CASP9: variants seen among roughly 807,000 people sequenced by gnomAD.
CASP9 encodes the protein caspase-9.
A neutral mutation model predicts 43.5 loss-of-function variants in CASP9; 29 were observed. The ratio of observed to expected loss-of-function variants is 0.67; its 90% confidence interval spans 0.50 to 0.91. The LOEUF (loss-of-function observed/expected upper bound fraction) is 0.91, where lower values mean the gene tolerates loss of function less well. Among genes scored for constraint, CASP9 ranks in the 40% least tolerant of loss-of-function variants. The pLI is 0.00. For missense variants in CASP9, 575 were observed against 537.4 expected (o/e 1.07, Z -0.69); for synonymous variants, 206 against 211.9 (o/e 0.97, Z 0.24).
chr1:15,509,338 C>T (rs549788249), intron 2 of CASP9, among the ~76,000 whole-genome samples: 3 of 151,640 alleles, frequency 2.0e-5, no homozygotes, highest in South Asian at 2.1e-4. Flanking sequence ...AAATGTGCTG[C>T]GTAAGGCCAG....
chr1:15,506,486 G>C (rs542585201), intron 4 of CASP9, among the ~76,000 whole-genome samples: 4 of 150,896 alleles, frequency 2.7e-5, no homozygotes, highest in African/African-American at 9.8e-5. Flanking sequence ...AAACAACAAA[G>C]GGCCCAACCC....
chr1:15,505,967 G>A, intron 5 of CASP9, 23 bp downstream of exon 5: 1 of 1,592,486 alleles, frequency 6.3e-7, no homozygotes, highest in Non-Finnish European at 8.6e-7. Context: ...TGCCTGCCCA[G>A]GGAACAGTGG....
chr1:15,507,170 G>A (rs753184973), intron 3 of CASP9, 95 bp from the exon 4 acceptor site: 20 of 1,447,280 alleles, frequency 1.4e-5, no homozygotes, highest in Middle Eastern at 1.8e-4. Context: ...CTGCCCTCTC[G>A]CACAAGGAGT....
rs766965270 is a variant in CASP9 at position 15,507,091 on chromosome 1, C to T, written c.454-16G>A. On this transcript the variant is annotated splice_polypyrimidine_tract_variant and intron_variant, in intron 3 of 8. Transcript: ENST00000333868. ...GGATGTAAGCCTGCCAGCACAGGGA[C>T]CCACGTAAACCCGGGCTCTCCCCAC... 6 of 1,612,642 alleles carry T rather than the reference C, an allele frequency of 3.7e-6. No homozygotes were observed. The African/African-American group carries it at 6.7e-5, about 18-fold the overall frequency.
At chr1:15,510,526 T>C (rs1709715057) in intron 2 of CASP9, among the ~76,000 whole-genome samples, 1 of 152,158 alleles carries the variant, frequency 6.6e-6, no homozygotes, top group Non-Finnish European at 1.5e-5. Context: ...TATCCACTAC[T>C]GAGGAATTCA....
intron 3 of CASP9, 182 bp from the exon 4 acceptor site, chr1:15,507,257 C>T (rs949179266): frequency 3.2e-6 from 2 of 615,822 alleles, no homozygotes; most frequent in Non-Finnish European, 5.6e-6. Context: ...GGTGACCCCC[C>T]CATCTTGGTA....
chr1:15,492,946 T>C lies in CASP9; in HGVS notation c.1248A>G (p.Ser416=), dbSNP rs371690417. ...FLRKKLFFKT[S] is the part of the protein sequence containing the mutation. ...GGCAGGGTGAGGGGCCCTGGCCTTA[T>C]GATGTTTTAAAGAAAAGTTTTTTCC... Residue 416 remains serine, a synonymous_variant, in exon 9 of 9, where the codon TCA becomes TCG. Transcript: ENST00000333868. 3 of 1,613,698 alleles carry C rather than the reference T, an allele frequency of 1.9e-6. No homozygotes were observed. The highest frequency in any genetic ancestry group is 2.7e-5 in the African/African-American group (2 of 74,926).
chr1:15,518,363 G>C lies in CASP9; in HGVS notation c.165C>G (p.Ala55=). The C allele has an allele frequency of 6.2e-7, 1 of 1,613,606 alleles. No individual in the cohort carries two copies. The highest frequency in any genetic ancestry group is 8.5e-7 in the Non-Finnish European group (1 of 1,179,824). Residue 55 remains alanine, a synonymous_variant, in exon 2 of 9, where the codon GCC becomes GCG. Coordinates refer to ENST00000333868, the MANE Select transcript of CASP9 (RefSeq NM_001229.5). The stretch of plus-strand genomic sequence containing the variant: ...TCTCCAGATCTATGATCAGCTGCCT[G>C]GCCTGATCCCGCCGAGATCCAGAGC... ...RAGSGSRRDQ[A]RQLIIDLETR... is the part of the protein sequence containing the mutation.
At chr1:15,493,172 G>A in intron 8 of CASP9, 137 bp from the exon 9 acceptor site, 6 of 1,472,756 alleles carry the variant, frequency 4.1e-6, no homozygotes, top group Non-Finnish European at 4.5e-6. Flanking sequence ...TGAGCAGGAG[G>A]GCTTAAAGAA....
At chr1:15,503,543 C>A (rs745841357) in intron 6 of CASP9, among the ~76,000 whole-genome samples, 1 of 152,198 alleles carries the variant, frequency 6.6e-6, no homozygotes, top group Non-Finnish European at 1.5e-5. Context: ...CAGCACCTAA[C>A]GCACAGCCTG....
intron 7 of CASP9, 40 bp from the exon 8 acceptor site, chr1:15,494,041 C>T: frequency 6.5e-7 from 1 of 1,541,934 alleles, no homozygotes; most frequent in African/African-American, 1.4e-5. Flanking sequence ...GGAGAGCCAC[C>T]CCTCCGCCGG....
chr1:15,506,055 G>A lies in CASP9; in HGVS notation c.655C>T (p.Leu219=), dbSNP rs1285450781. 1 of 1,613,960 alleles carries A rather than the reference G, an allele frequency of 6.2e-7. No individual in the cohort carries two copies. Among genetic ancestry groups the A allele is most frequent in the Non-Finnish European group, 8.5e-7 (1 of 1,179,838 alleles). The part of the protein sequence containing the change: ...AKKMVLALLE[L]AQQDHGALDC... The stretch of plus-strand genomic sequence containing the variant: ...AGAGCACCGTGGTCCTGCTGCGCCA[G>A]CTCCAGCAAAGCCAGCACCATTTTC... Residue 219 remains leucine (L), a synonymous_variant, in exon 5 of 9, where the codon CTG becomes TTG. Transcript: ENST00000333868.
chr1:15,519,850 C>CA (rs986635377), intron 1 of CASP9: 33 of 150,810 alleles, frequency 2.2e-4, no homozygotes, highest in East Asian at 7.8e-4. Context: ...CAAAAAATAA[C>CA]AAAAAAAAAG....
chr1:15,494,851 A>C (rs1220040486), intron 7 of CASP9, among the ~76,000 whole-genome samples: 2 of 129,400 alleles, frequency 1.5e-5, no homozygotes, highest in Admixed American at 1.6e-4. Flanking sequence ...CAACAGAGCG[A>C]GATTCCATCT....
chr1:15,497,434 G>A (rs974555948), intron 6 of CASP9, among the ~76,000 whole-genome samples: 1 of 151,986 alleles, frequency 6.6e-6, no homozygotes, highest in African/African-American at 2.4e-5. Flanking sequence ...CACTAGGTCA[G>A]GAGATTGAGA....
chr1:15,492,963 GT>G lies in CASP9; in HGVS notation c.1230del (p.Lys410AsnfsTer31), dbSNP rs754213793. 1 of 1,613,880 alleles carries G rather than the reference GT, an allele frequency of 6.2e-7. No homozygotes were observed. Among genetic ancestry groups the G allele is most frequent in the African/African-American group, 1.3e-5 (1 of 74,928 alleles). On this transcript the variant is annotated frameshift_variant, in exon 9 of 9. Transcript: ENST00000333868. LOFTEE classifies it high-confidence loss of function. ...MPGCFNFLRK[K>X]LFFKTS ...TGGCCTTATGATGTTTTAAAGAAAA[GT>G]TTTTTCCGGAGGAAATTAAAGCAAC... is the stretch of plus-strand genomic sequence containing the variant.
intron 6 of CASP9, among the ~76,000 whole-genome samples, chr1:15,500,642 A>G (rs1709291001): frequency 6.6e-6 from 1 of 152,076 alleles, no homozygotes; most frequent in Admixed American, 6.5e-5. Context: ...GTTTTTCTCC[A>G]GATTTTGTGG....
chr1:15,523,965 G>A (rs1373764778), intron 1 of CASP9, 104 bp downstream of exon 1: 13 of 824,036 alleles, frequency 1.6e-5, no homozygotes, highest in Non-Finnish European at 2.0e-5. Context: ...TGGCTCCGCT[G>A]AGGGGTTTGA....
chr1:15,492,861 A>T lies in CASP9; in HGVS notation c.*82T>A. On this transcript the variant is annotated 3_prime_UTR_variant, in exon 9 of 9. Coordinates refer to ENST00000333868, the MANE Select transcript of CASP9 (RefSeq NM_001229.5). ...GGCTGCAAAGTCCTTGAGTTGCAGG[A>T]AAGTCCAGGCCTCAGCCTCTTTCAG... is the stretch of plus-strand genomic sequence containing the variant. 1 of 1,563,368 alleles carries T rather than the reference A, an allele frequency of 6.4e-7. No homozygotes were observed. Among genetic ancestry groups the T allele is most frequent in the Non-Finnish European group, 8.6e-7 (1 of 1,162,000 alleles).
Sources: allele counts gnomAD v4.1 joint callset (sites outside exome capture counted in the v4.1 genomes callset), GRCh38; gene constraint gnomAD v4.1.1; transcripts MANE v1.5; gene names NCBI Gene and HGNC (gene_info 2026-07-23, HGNC 2026-07-21).